Variants in SAMTOR observed in about 807,000 individuals in gnomAD.
SAMTOR encodes the protein UPF0532 protein C7orf60.
chr7:112,917,782 C>A, the SAMTOR span, among the ~76,000 whole-genome samples: 2 of 152,012 alleles, frequency 1.3e-5, no homozygotes, highest in East Asian at 3.8e-4. Flanking sequence ...AGCCAAGGCT[C>A]GAGAACTACG....
At chr7:112,927,164 C>CA in the SAMTOR span, among the ~76,000 whole-genome samples, 1 of 151,470 alleles carries the variant, frequency 6.6e-6, no homozygotes, top group Admixed American at 6.6e-5. Context: ...TTCTAAAATC[C>CA]AAAAAAAGTT....
chr7:112,869,152 C>T, the SAMTOR span, among the ~76,000 whole-genome samples: 1 of 151,928 alleles, frequency 6.6e-6, no homozygotes, highest in Non-Finnish European at 1.5e-5. Flanking sequence ...GGAATGAATT[C>T]GGAGAGTGGG....
the SAMTOR span, among the ~76,000 whole-genome samples, chr7:112,869,580 T>A: frequency 6.7e-6 from 1 of 150,038 alleles, no homozygotes; most frequent in African/African-American, 2.5e-5. Flanking sequence ...AAAAAAACCA[T>A]CCCAATGATA....
At chr7:112,834,452 C>G in the SAMTOR span, among the ~76,000 whole-genome samples, 1 of 151,810 alleles carries the variant, frequency 6.6e-6, no homozygotes, top group Non-Finnish European at 1.5e-5. Flanking sequence ...ACAATAGTCC[C>G]CCCTTATCTG....
chr7:112,844,252 A>G, the SAMTOR span, among the ~76,000 whole-genome samples: 1 of 152,180 alleles, frequency 6.6e-6, no homozygotes, highest in Non-Finnish European at 1.5e-5. Context: ...CCTATTCAAC[A>G]TAGTACTGGG....
chr7:112,895,863 G>A, the SAMTOR span: 1 of 583,336 alleles, frequency 1.7e-6, no homozygotes, highest in Non-Finnish European at 2.7e-6. Context: ...CTTTGAAAAT[G>A]TCAAACTGAG....
chr7:112,915,073 T>C, the SAMTOR span, among the ~76,000 whole-genome samples: 1 of 151,852 alleles, frequency 6.6e-6, no homozygotes, highest in Admixed American at 6.6e-5. Flanking sequence ...ACCCCATCTC[T>C]ACTAAAAATA....
the SAMTOR span, among the ~76,000 whole-genome samples, chr7:112,902,449 CAAAAAAAAAAA>C: frequency 5.5e-5 from 3 of 54,936 alleles, no homozygotes; most frequent in Admixed American, 2.5e-4. Flanking sequence ...CAAAAAAAAA[CAAAAAAAAAAA>C]CCAAAAAAGT....
At chr7:112,937,980 A>C in the SAMTOR span, among the ~76,000 whole-genome samples, 2 of 151,996 alleles carry the variant, frequency 1.3e-5, 1 homozygote. Flanking sequence ...ATGAATAATG[A>C]AATTATTAAA....
At chr7:112,865,256 C>G in the SAMTOR span, among the ~76,000 whole-genome samples, 1 of 151,994 alleles carries the variant, frequency 6.6e-6, no homozygotes, top group Non-Finnish European at 1.5e-5. Flanking sequence ...CGAGACCAAC[C>G]TAGGCAACAC....
chr7:112,839,975 CTA>C, the SAMTOR span, among the ~76,000 whole-genome samples: 1 of 151,728 alleles, frequency 6.6e-6, no homozygotes, highest in African/African-American at 2.4e-5. Flanking sequence ...GTCTGACAAT[CTA>C]TGTTTTAATT....
At chr7:112,907,924 C>T in the SAMTOR span, among the ~76,000 whole-genome samples, 2 of 151,950 alleles carry the variant, frequency 1.3e-5, no homozygotes, top group African/African-American at 4.8e-5. Context: ...GGCAATTTGG[C>T]AGCACATCTA....
the SAMTOR span, among the ~76,000 whole-genome samples, chr7:112,910,426 C>T: frequency 6.6e-6 from 1 of 151,952 alleles, no homozygotes; most frequent in Admixed American, 6.6e-5. Flanking sequence ...AGAAATAATA[C>T]AATTTTAAAA....
At chr7:112,876,137 CT>C in the SAMTOR span, among the ~76,000 whole-genome samples, 4 of 151,920 alleles carry the variant, frequency 2.6e-5, no homozygotes, top group African/African-American at 9.7e-5. Flanking sequence ...TTTTTTGTAT[CT>C]TTTTTAAAGG....
chr7:112,922,164 G>T, the SAMTOR span, among the ~76,000 whole-genome samples: 1 of 152,194 alleles, frequency 6.6e-6, no homozygotes, highest in Non-Finnish European at 1.5e-5. Flanking sequence ...CGCTGTGTTG[G>T]CCGGGCTGGT....
the SAMTOR span, among the ~76,000 whole-genome samples, chr7:112,890,213 C>T: frequency 6.6e-6 from 1 of 152,134 alleles, no homozygotes; most frequent in Non-Finnish European, 1.5e-5. Flanking sequence ...ATGTTTAATG[C>T]ACTCCCCAAT....
the SAMTOR span, among the ~76,000 whole-genome samples, chr7:112,844,486 A>C: frequency 2.0e-5 from 3 of 152,004 alleles, no homozygotes; most frequent in Non-Finnish European, 4.4e-5. Flanking sequence ...TACACCAGTA[A>C]GGCAATCCCA....
At chr7:112,841,888 A>C in the SAMTOR span, among the ~76,000 whole-genome samples, 1 of 152,188 alleles carries the variant, frequency 6.6e-6, no homozygotes, top group Non-Finnish European at 1.5e-5. Flanking sequence ...CGAAGAACTG[A>C]AACTGGACAC....
the SAMTOR span, among the ~76,000 whole-genome samples, chr7:112,913,691 C>G: frequency 6.6e-6 from 1 of 152,172 alleles, no homozygotes; most frequent in Non-Finnish European, 1.5e-5. Context: ...ACCTCTCTCC[C>G]TCTGTCATTT....
Sources: allele counts gnomAD v4.1 joint callset (sites outside exome capture counted in the v4.1 genomes callset), GRCh38; gene constraint gnomAD v4.1.1; transcripts MANE v1.5; gene names NCBI Gene and HGNC (gene_info 2026-07-23, HGNC 2026-07-21).